Variants in PPARGC1A observed in about 807,000 individuals in gnomAD.
PPARGC1A encodes peroxisome proliferator-activated receptor gamma coactivator 1-alpha.
A neutral mutation model predicts 88.7 loss-of-function variants in PPARGC1A; 25 were observed. That is an observed-to-expected ratio of 0.28 (90% CI 0.21 to 0.39). The LOEUF (loss-of-function observed/expected upper bound fraction) is 0.39, where lower values mean the gene tolerates loss of function less well. Ranked by LOEUF, PPARGC1A falls within the 10% of genes least tolerant of loss-of-function variation. PPARGC1A has a pLI of 1.00. For missense variants in PPARGC1A, 880 were observed against 968.7 expected (o/e 0.91, Z 1.22); for synonymous variants, 363 against 355.6 (o/e 1.02, Z -0.24).
chr4:23,957,417 G>T, the PPARGC1A span, among the ~76,000 whole-genome samples: 1 of 152,070 alleles, frequency 6.6e-6, no homozygotes, highest in South Asian at 2.1e-4. Context: ...GGGTATTCAA[G>T]AAATATGATA....
At chr4:23,859,993 G>A (rs1288105289) in intron 2 of PPARGC1A, among the ~76,000 whole-genome samples, 3 of 152,158 alleles carry the variant, frequency 2.0e-5, no homozygotes, top group East Asian at 1.9e-4. Flanking sequence ...AGTAGAAGGT[G>A]GGGCATAGTA....
At chr4:24,443,790 G>A in the PPARGC1A span, among the ~76,000 whole-genome samples, 2 of 149,462 alleles carry the variant, frequency 1.3e-5, no homozygotes, top group Admixed American at 6.7e-5. Flanking sequence ...TCCTGACCTC[G>A]TGATCCGCCT....
the PPARGC1A span, among the ~76,000 whole-genome samples, chr4:24,215,294 G>A: frequency 6.6e-6 from 1 of 152,236 alleles, no homozygotes; most frequent in Non-Finnish European, 1.5e-5. Flanking sequence ...CAGAGAGAAT[G>A]GGATTGTGCA....
At chr4:24,084,325 A>G in the PPARGC1A span, among the ~76,000 whole-genome samples, 2 of 152,316 alleles carry the variant, frequency 1.3e-5, no homozygotes, top group Admixed American at 6.5e-5. Context: ...AGAAGACAGA[A>G]ATGAAGAATT....
At chr4:24,061,760 G>A in the PPARGC1A span, among the ~76,000 whole-genome samples, 1 of 152,176 alleles carries the variant, frequency 6.6e-6, no homozygotes, top group Admixed American at 6.5e-5. Context: ...AGTTGACACT[G>A]TAGGTAAGGT....
chr4:24,180,272 T>C, the PPARGC1A span, among the ~76,000 whole-genome samples: 2 of 152,234 alleles, frequency 1.3e-5, no homozygotes, highest in African/African-American at 4.8e-5. Context: ...TGTTATCTAC[T>C]GAGCATCTTT....
At chr4:23,808,635 A>G (rs1264992482) in intron 10 of PPARGC1A, among the ~76,000 whole-genome samples, 1 of 152,162 alleles carries the variant, frequency 6.6e-6, no homozygotes, top group Admixed American at 6.5e-5. Context: ...GAGTCTGAGA[A>G]AGGCAGAAAG....
At chr4:24,263,088 A>C in the PPARGC1A span, among the ~76,000 whole-genome samples, 4 of 152,340 alleles carry the variant, frequency 2.6e-5, no homozygotes, top group Admixed American at 6.5e-5. Context: ...GGAAAAGAGA[A>C]GTCATGGTAG....
At chr4:23,874,734 G>A (rs1457167784) in intron 2 of PPARGC1A, among the ~76,000 whole-genome samples, 3 of 152,212 alleles carry the variant, frequency 2.0e-5, no homozygotes, top group Non-Finnish European at 4.4e-5. Flanking sequence ...TCAGGTGCCT[G>A]AGAACAGGAC....
At chr4:23,856,011 T>C (rs1051215103) in intron 2 of PPARGC1A, among the ~76,000 whole-genome samples, 2 of 152,220 alleles carry the variant, frequency 1.3e-5, no homozygotes, top group Non-Finnish European at 2.9e-5. Flanking sequence ...GCACTAGTGT[T>C]ATGTCACTTG....
the PPARGC1A span, among the ~76,000 whole-genome samples, chr4:24,371,728 G>A: frequency 6.6e-6 from 1 of 150,916 alleles, no homozygotes. Context: ...ATCACCTGAG[G>A]TCAGGAGTTC....
the PPARGC1A span, among the ~76,000 whole-genome samples, chr4:24,049,547 C>T: frequency 5.6e-3 from 844 of 151,890 alleles, 33 homozygotes; most frequent in East Asian, 0.097. Context: ...ATCTGAAAGA[C>T]AAGGTGAGAA....
chr4:24,324,294 C>A, the PPARGC1A span, among the ~76,000 whole-genome samples: 7 of 152,112 alleles, frequency 4.6e-5, no homozygotes, highest in African/African-American at 1.4e-4. Context: ...TCACCCTTAG[C>A]GGCAAGTCCC....
chr4:24,021,669 A>G, the PPARGC1A span, among the ~76,000 whole-genome samples: 1 of 152,148 alleles, frequency 6.6e-6, no homozygotes, highest in South Asian at 2.1e-4. Context: ...AAGTTCCTAA[A>G]CCTCTCTGTG....
chr4:24,104,793 T>A, the PPARGC1A span, among the ~76,000 whole-genome samples: 2 of 152,182 alleles, frequency 1.3e-5, no homozygotes, highest in Non-Finnish European at 2.9e-5. Context: ...CAGTAAACCC[T>A]GAGGAAAAAG....
At chr4:23,810,474 T>C (rs1257953153) in intron 10 of PPARGC1A, among the ~76,000 whole-genome samples, 1 of 152,142 alleles carries the variant, frequency 6.6e-6, no homozygotes, top group Non-Finnish European at 1.5e-5. Context: ...CTCAGGGTGA[T>C]TTTGTGTCAT....
At chr4:24,460,116 T>C in the PPARGC1A span, among the ~76,000 whole-genome samples, 139 of 152,332 alleles carry the variant, frequency 9.1e-4, no homozygotes, top group African/African-American at 3.2e-3. Context: ...CTTGACAGAA[T>C]TGGTTACAGT....
At chr4:24,219,741 A>G in the PPARGC1A span, among the ~76,000 whole-genome samples, 1 of 152,130 alleles carries the variant, frequency 6.6e-6, no homozygotes, top group Non-Finnish European at 1.5e-5. Context: ...AGTGTGGGGT[A>G]CCTCAGACCT....
At chr4:24,369,916 G>C in the PPARGC1A span, among the ~76,000 whole-genome samples, 1 of 152,220 alleles carries the variant, frequency 6.6e-6, no homozygotes, top group Non-Finnish European at 1.5e-5. Context: ...CCAGCAGAAA[G>C]TGGAGGCTAG....
Sources: gnomAD v4.1 joint callset for allele counts (sites outside exome capture counted in the v4.1 genomes callset) on GRCh38, gnomAD v4.1.1 for gene constraint, MANE v1.5 for transcripts, NCBI Gene and HGNC (gene_info 2026-07-23, HGNC 2026-07-21) for gene names.